Variants in ELAVL2 observed in about 807,000 individuals in gnomAD.
The protein encoded by ELAVL2 is ELAV-like protein 2.
ELAVL2 carries 4 observed loss-of-function variants against 34.6 expected under a neutral mutation model. That is an observed-to-expected ratio of 0.12 (90% CI 0.06 to 0.26). ELAVL2 has a LOEUF of 0.26. Among genes scored for constraint, ELAVL2 ranks in the 10% least tolerant of loss-of-function variants. The pLI, the probability that ELAVL2 is intolerant of heterozygous loss-of-function variation, is 1.00. For missense variants in ELAVL2, 432 were observed against 442.8 expected, an observed-to-expected ratio of 0.98 and a Z score of 0.22; for synonymous variants, 193 against 154.8, an observed-to-expected ratio of 1.25 and a Z score of -1.83.
chr9:23,719,253 T>C (rs557405093), intron 3 of ELAVL2, among the ~76,000 whole-genome samples: 12 of 152,162 alleles, frequency 7.9e-5, no homozygotes, highest in Non-Finnish European at 1.6e-4. Flanking sequence ...ACTGATAGCA[T>C]CAATAACACT....
At chr9:23,733,172 TAA>T (rs397953305) in intron 2 of ELAVL2, among the ~76,000 whole-genome samples, 12 of 104,586 alleles carry the variant, frequency 1.1e-4, no homozygotes, top group African/African-American at 1.8e-4. Context: ...CTAGAAAGCT[TAA>T]AAAAAAAAAA....
At position 23,811,349 on chromosome 9, in the gene ELAVL2, C is replaced by G. The variant is rs114418006; in HGVS notation, c.-16+14457G>C. 4.3e-3 allele frequency among the ~76,000 whole-genome samples: 642 copies of G among 151,036 alleles called. 5 individuals are homozygous for G. The highest frequency in any genetic ancestry group is 0.015 in the African/African-American group (613 of 41,126). Reference sequence around the variant, plus strand: ...TTTCAAGGAAAAAAAAAAAAACCCACGAAACAGTAATGCAAATGCCATTAA... The same window carrying G: ...TTTCAAGGAAAAAAAAAAAAACCCAGGAAACAGTAATGCAAATGCCATTAA... On this transcript the variant is annotated intron_variant, in intron 1 of 6. Transcript: ENST00000397312.
At chr9:23,836,065 C>T in the ELAVL2 span, among the ~76,000 whole-genome samples, 1 of 152,126 alleles carries the variant, frequency 6.6e-6, no homozygotes, top group African/African-American at 2.4e-5. Context: ...TTCACACTAA[C>T]CCCTCTTAAC....
intron 3 of ELAVL2, among the ~76,000 whole-genome samples, chr9:23,730,183 G>T (rs145986256): frequency 6.6e-6 from 1 of 152,218 alleles, no homozygotes; most frequent in African/African-American, 2.4e-5. Context: ...TGCTAGAGGC[G>T]ACATCCCTCT....
At chr9:23,826,614 A>G (rs561822454), upstream of ELAVL2, among the ~76,000 whole-genome samples, 13 of 152,298 alleles carry the variant, frequency 8.5e-5, no homozygotes, top group South Asian at 2.1e-3. Context: ...GAGGGTTGGA[A>G]CTGTACTATC....
At chr9:23,696,294 G>T (rs2035173452) in intron 5 of ELAVL2, among the ~76,000 whole-genome samples, 1 of 152,044 alleles carries the variant, frequency 6.6e-6, no homozygotes, top group South Asian at 2.1e-4. Context: ...GCTCAGAAAA[G>T]GCAACGGGTG....
At chr9:23,751,556 C>G (rs1354795234) in intron 2 of ELAVL2, among the ~76,000 whole-genome samples, 1 of 152,152 alleles carries the variant, frequency 6.6e-6, no homozygotes, top group Admixed American at 6.5e-5. Context: ...ACACAGGTCT[C>G]TGTATATCTA....
chr9:23,735,074 T>C (rs1403402685), intron 2 of ELAVL2, among the ~76,000 whole-genome samples: 1 of 89,774 alleles, frequency 1.1e-5, no homozygotes, highest in East Asian at 3.1e-4. Context: ...TAAAAGACTA[T>C]TCTGACCAAA....
At chr9:23,802,535 T>C (rs1304850105) in intron 1 of ELAVL2, among the ~76,000 whole-genome samples, 2 of 152,294 alleles carry the variant, frequency 1.3e-5, no homozygotes, top group Non-Finnish European at 2.9e-5. Context: ...CACTCCTCCC[T>C]ACAATACAGA....
chr9:23,750,208 A>G (rs192018131), intron 2 of ELAVL2, among the ~76,000 whole-genome samples: 1 of 152,228 alleles, frequency 6.6e-6, no homozygotes, highest in Admixed American at 6.5e-5. Flanking sequence ...TCCATATTCT[A>G]CTTTTAAGTA....
At chr9:23,693,607 T>C (rs778097599) in intron 5 of ELAVL2, 121 bp from the exon 6 acceptor site, 8 of 1,193,968 alleles carry the variant, frequency 6.7e-6, no homozygotes, top group Non-Finnish European at 9.8e-6. Flanking sequence ...ATGTGAAGAC[T>C]CAGAATGCTG....
intron 2 of ELAVL2, among the ~76,000 whole-genome samples, chr9:23,740,746 G>A (rs1356773991): frequency 6.6e-6 from 1 of 152,158 alleles, no homozygotes; most frequent in Non-Finnish European, 1.5e-5. Context: ...ACAGATAGAT[G>A]AGAGGTATCT....
At chr9:23,703,716 A>G (rs1230516017) in intron 4 of ELAVL2, among the ~76,000 whole-genome samples, 3 of 152,208 alleles carry the variant, frequency 2.0e-5, no homozygotes, top group Admixed American at 2.0e-4. Flanking sequence ...TGTAATATAC[A>G]ACATGCCTCC....
chr9:23,752,958 T>G (rs1398833423), intron 2 of ELAVL2, among the ~76,000 whole-genome samples: 1 of 152,180 alleles, frequency 6.6e-6, no homozygotes, highest in African/African-American at 2.4e-5. Flanking sequence ...TTCACAACAC[T>G]TAGAGCAGCA....
At chr9:23,707,254 G>C (rs531828110) in intron 3 of ELAVL2, among the ~76,000 whole-genome samples, 1 of 152,324 alleles carries the variant, frequency 6.6e-6, no homozygotes, top group East Asian at 1.9e-4. Context: ...CAAGGCCAAT[G>C]AATTATATAT....
chr9:23,841,934 T>C, the ELAVL2 span, among the ~76,000 whole-genome samples: 3 of 152,154 alleles, frequency 2.0e-5, no homozygotes, highest in Admixed American at 6.5e-5. Flanking sequence ...TTTTTCTTTT[T>C]CAATATGATT....
intron 1 of ELAVL2, among the ~76,000 whole-genome samples, chr9:23,764,458 C>T (rs939310627): frequency 2.0e-5 from 3 of 152,090 alleles, no homozygotes; most frequent in African/African-American, 7.2e-5. Flanking sequence ...TGCTATAGGA[C>T]CATCTGCTCA....
intron 1 of ELAVL2, chr9:23,821,713 G>C (rs1219143137): frequency 6.6e-6 from 1 of 152,462 alleles, no homozygotes; most frequent in African/African-American, 2.4e-5. Context: ...GGCGGCGGCG[G>C]CGGCGGGAAA....
intron 1 of ELAVL2, among the ~76,000 whole-genome samples, chr9:23,803,467 A>C (rs1046022544): frequency 6.6e-6 from 1 of 152,132 alleles, no homozygotes; most frequent in African/African-American, 2.4e-5. Context: ...CCTAGTCAGG[A>C]AGCCATGCAT....
Sources: allele counts gnomAD v4.1 joint callset (sites outside exome capture counted in the v4.1 genomes callset), GRCh38; gene constraint gnomAD v4.1.1; transcripts MANE v1.5; gene names NCBI Gene and HGNC (gene_info 2026-07-23, HGNC 2026-07-21).